FAM193A: variants seen among roughly 807,000 people sequenced by gnomAD.
The protein encoded by FAM193A is protein FAM193A.
In FAM193A, 22 loss-of-function variants were observed where a neutral mutation model predicts 126.5. The ratio of observed to expected loss-of-function variants is 0.17; its 90% CI spans 0.12 to 0.25. The LOEUF is 0.25. Among genes scored for constraint, FAM193A ranks in the 10% least tolerant of loss-of-function variants. The pLI is 1.00. For synonymous variants in FAM193A, 761 were observed against 646.8 expected (o/e 1.18, Z -2.68); for missense variants, 1,675 against 1,672.8 (o/e 1.00, Z -0.02).
chr4:2,688,099 C>T (rs1715950872), intron 13 of FAM193A, among the ~76,000 whole-genome samples: 1 of 152,172 alleles, frequency 6.6e-6, no homozygotes, highest in Admixed American at 6.5e-5. Context: ...CACTTCTCCT[C>T]TCCAGCAGAC....
intron 1 of FAM193A, among the ~76,000 whole-genome samples, chr4:2,540,245 G>C (rs1477359195): frequency 6.6e-6 from 1 of 152,226 alleles, no homozygotes. Flanking sequence ...CGAGGCAGGC[G>C]GATCACGAGG....
chr4:2,700,236 C>T lies in FAM193A; in HGVS notation c.4064C>T (p.Thr1355Ile), dbSNP rs1326251659. 1.2e-6 allele frequency: 2 copies of T among 1,613,914 alleles called. No individual in the cohort carries two copies. The highest frequency in any genetic ancestry group is 1.7e-6 in the Non-Finnish European group (2 of 1,180,020). ...AGCAGCGAGCCAGCGAGGAGGCCCACAGAGCCCCCCAAGGCCACAGAGGGG... is the reference window on the plus strand; with the variant it reads ...AGCAGCGAGCCAGCGAGGAGGCCCATAGAGCCCCCCAAGGCCACAGAGGGG... ...KASSEPARRP[T>I]EPPKATEGQS... The change falls in exon 19 of 21, where the codon ACA (threonine) becomes ATA (isoleucine). Residue 1355 changes from threonine to isoleucine, a missense_variant. Thr to Ile is a moderately conservative substitution (Grantham distance 89). Around this residue, in one of 4 missense-constraint regions of FAM193A, gnomAD observed 415 missense variants for 396.7 expected, o/e 1.05. Coordinates refer to ENST00000637812, the MANE Select transcript of FAM193A (RefSeq NM_001366318.2).
At chr4:2,590,390 G>A (rs546388436) in intron 1 of FAM193A, among the ~76,000 whole-genome samples, 48 of 148,208 alleles carry the variant, frequency 3.2e-4, no homozygotes, top group East Asian at 1.2e-3. Flanking sequence ...ATTTGAACTC[G>A]GGAGGCAGAG....
At chr4:2,589,666 G>A (rs1740412734) in intron 1 of FAM193A, among the ~76,000 whole-genome samples, 1 of 152,206 alleles carries the variant, frequency 6.6e-6, no homozygotes, top group Admixed American at 6.5e-5. Context: ...TAACCACTGA[G>A]AAGGAGGTTT....
chr4:2,702,195 A>G (rs1356322537), intron 19 of FAM193A, among the ~76,000 whole-genome samples: 1 of 152,190 alleles, frequency 6.6e-6, no homozygotes, highest in Non-Finnish European at 1.5e-5. Flanking sequence ...AGATCCACGA[A>G]GTTTTACTTG....
intron 1 of FAM193A, among the ~76,000 whole-genome samples, chr4:2,540,622 T>C (rs1214065930): frequency 6.6e-6 from 1 of 152,018 alleles, no homozygotes; most frequent in Non-Finnish European, 1.5e-5. Flanking sequence ...CACTCCAGCC[T>C]GGGTGACAGA....
intron 5 of FAM193A, among the ~76,000 whole-genome samples, chr4:2,636,159 G>A (rs1489841809): frequency 6.6e-6 from 1 of 151,768 alleles, no homozygotes; most frequent in Admixed American, 6.6e-5. Flanking sequence ...TGCTTCCTGG[G>A]TTCAAGTGAT....
chr4:2,677,545 C>T (rs1030514909), intron 13 of FAM193A, among the ~76,000 whole-genome samples: 1 of 151,654 alleles, frequency 6.6e-6, no homozygotes, highest in Non-Finnish European at 1.5e-5. Context: ...TCGAGACCAT[C>T]CTTGGCTAAT....
At chr4:2,718,797 TTAAAA>T (rs555553466) in intron 20 of FAM193A, among the ~76,000 whole-genome samples, 120 of 151,976 alleles carry the variant, frequency 7.9e-4, no homozygotes, top group African/African-American at 2.4e-3. Context: ...ACTGGAGAGA[TTAAAA>T]TAAGAGAACA....
At chr4:2,687,269 A>G (rs1443348240) in intron 13 of FAM193A, among the ~76,000 whole-genome samples, 1 of 152,234 alleles carries the variant, frequency 6.6e-6, no homozygotes, top group East Asian at 1.9e-4. Context: ...GTCTCTATAT[A>G]GTAGTCTCTA....
intron 7 of FAM193A, among the ~76,000 whole-genome samples, chr4:2,649,073 AT>A (rs1398887565): frequency 6.6e-6 from 1 of 152,184 alleles, no homozygotes; most frequent in African/African-American, 2.4e-5. Flanking sequence ...TTTCTGTGTT[AT>A]TTTTAAAAAG....
chr4:2,536,255 G>C (rs1031559006), upstream of FAM193A, among the ~76,000 whole-genome samples: 2 of 151,434 alleles, frequency 1.3e-5, no homozygotes, highest in African/African-American at 4.8e-5. Flanking sequence ...GCGGCGGCGC[G>C]GCCTCCTGCC....
At chr4:2,552,856 T>TG (rs1471441375) in intron 1 of FAM193A, among the ~76,000 whole-genome samples, 4 of 149,464 alleles carry the variant, frequency 2.7e-5, no homozygotes, top group Admixed American at 6.7e-5. Context: ...TCTTTTTTTT[T>TG]TTTTTTTTTT....
chr4:2,676,833 C>T (rs1266526886), intron 13 of FAM193A, among the ~76,000 whole-genome samples: 3 of 151,904 alleles, frequency 2.0e-5, no homozygotes, highest in South Asian at 2.1e-4. Context: ...CTCAGCTACT[C>T]GGGAGGCTGA....
chr4:2,643,298 T>G (rs1373865200), intron 6 of FAM193A, among the ~76,000 whole-genome samples: 1 of 152,174 alleles, frequency 6.6e-6, no homozygotes, highest in Non-Finnish European at 1.5e-5. Context: ...TGCTACTGAT[T>G]ACATACAAAC....
chr4:2,631,927 G>A (rs1743631659), intron 5 of FAM193A, among the ~76,000 whole-genome samples: 1 of 152,116 alleles, frequency 6.6e-6, no homozygotes, highest in Admixed American at 6.6e-5. Flanking sequence ...AATAGTCTAT[G>A]GAGTTTTTCA....
At position 2,574,026 on chromosome 4, in the gene FAM193A, TC is replaced by T. The variant is rs1180351478; in HGVS notation, c.256-22057del. Among the ~76,000 whole-genome samples, 3 of 152,266 alleles carry T rather than the reference TC, an allele frequency of 2.0e-5. No homozygotes were observed. In the East Asian group the frequency reaches 5.8e-4, roughly 29 times the overall value. On this transcript the variant is annotated intron_variant, in intron 1 of 20. Transcript: ENST00000637812. ...GGGGACAAATATGAAAGATTTTTAT[TC>T]AACAACTTTGGTTTTTATTGTGTTA...
At chr4:2,547,635 T>G (rs1395583656) in intron 1 of FAM193A, among the ~76,000 whole-genome samples, 1 of 151,598 alleles carries the variant, frequency 6.6e-6, no homozygotes, top group African/African-American at 2.4e-5. Context: ...TATGTATTTT[T>G]TTTTTTTGGA....
At chr4:2,656,592 T>C (rs1294358683) in intron 7 of FAM193A, among the ~76,000 whole-genome samples, 2 of 152,108 alleles carry the variant, frequency 1.3e-5, no homozygotes, top group African/African-American at 4.8e-5. Flanking sequence ...GCCTGGGGCA[T>C]GGGTAGCGAA....
Sources: gnomAD v4.1 joint callset for allele counts (sites outside exome capture counted in the v4.1 genomes callset) on GRCh38, gnomAD v4.1.1 for gene constraint, gnomAD v4.1.1 regional missense constraint, MANE v1.5 for transcripts, NCBI Gene and HGNC (gene_info 2026-07-23, HGNC 2026-07-21) for gene names.